SUCLG2: variants seen among roughly 807,000 people sequenced by gnomAD.
SUCLG2 encodes succinate--CoA ligase [GDP-forming] subunit beta, mitochondrial.
In SUCLG2, 42 loss-of-function variants were observed where a neutral mutation model predicts 47.9. That is an observed-to-expected ratio of 0.88 (90% CI 0.69 to 1.14). The LOEUF (loss-of-function observed/expected upper bound fraction) is 1.14, where lower values mean the gene tolerates loss of function less well. SUCLG2 is among the 50% of genes most tolerant of loss of function. The pLI, the probability that SUCLG2 is intolerant of heterozygous loss-of-function variation, is 0.00. For missense variants in SUCLG2, 571 were observed against 525.9 expected (o/e 1.09, Z -0.84); for synonymous variants, 195 against 197.3 (o/e 0.99, Z 0.10).
At chr3:67,622,790 G>A (rs1700757488) in intron 1 of SUCLG2, among the ~76,000 whole-genome samples, 5 of 152,186 alleles carry the variant, frequency 3.3e-5, no homozygotes, top group Admixed American at 3.3e-4. Context: ...AAGTCCATGT[G>A]ACACATGAGT....
intron 1 of SUCLG2, among the ~76,000 whole-genome samples, chr3:67,623,328 A>G (rs1700767235): frequency 1.3e-5 from 2 of 152,102 alleles, no homozygotes; most frequent in African/African-American, 4.8e-5. Flanking sequence ...GTGAAACCCC[A>G]TCTCTACTAA....
intron 9 of SUCLG2, among the ~76,000 whole-genome samples, chr3:67,407,923 A>C (rs1702851833): frequency 6.6e-6 from 1 of 152,204 alleles, no homozygotes; most frequent in South Asian, 2.1e-4. Flanking sequence ...GAAGGAAAAT[A>C]AATGGTGAAG....
At chr3:67,486,553 T>C (rs1705059779) in intron 9 of SUCLG2, among the ~76,000 whole-genome samples, 1 of 152,334 alleles carries the variant, frequency 6.6e-6, no homozygotes, top group South Asian at 2.1e-4. Flanking sequence ...TAAGTATGCT[T>C]CTGTTTAAAG....
At chr3:67,398,630 A>G (rs1381436407) in intron 10 of SUCLG2, among the ~76,000 whole-genome samples, 2 of 152,098 alleles carry the variant, frequency 1.3e-5, no homozygotes, top group Admixed American at 6.5e-5. Flanking sequence ...TCAGGGATCT[A>G]GAACTAGAAA....
At chr3:67,474,001 T>C (rs1704670268) in intron 9 of SUCLG2, among the ~76,000 whole-genome samples, 1 of 152,158 alleles carries the variant, frequency 6.6e-6, no homozygotes, top group Admixed American at 6.5e-5. Context: ...CTCACGACTG[T>C]AATCCCAGCA....
chr3:67,487,380 T>C (rs1478248597), intron 9 of SUCLG2, among the ~76,000 whole-genome samples: 1 of 152,120 alleles, frequency 6.6e-6, no homozygotes, highest in Non-Finnish European at 1.5e-5. Flanking sequence ...GTACATACTT[T>C]ATTATAGTGA....
chr3:67,535,435 G>A lies in SUCLG2; in HGVS notation c.227-6249C>T, dbSNP rs553139846. On this transcript the variant is annotated intron_variant, in intron 2 of 10. Transcript: ENST00000307227. ...TGGGGAAAAGGACTTGGGACTTGCT[G>A]CCAAGTGCTACAGTTTGGATGCTTG... is the stretch of plus-strand genomic sequence containing the variant. Among the ~76,000 whole-genome samples the A allele has an allele frequency of 3.9e-4, 59 of 152,082 alleles. 1 individual carries two copies. The highest frequency in any genetic ancestry group is 6.6e-4 in the Admixed American group (10 of 15,250).
At chr3:67,419,377 T>C (rs1010981520) in intron 9 of SUCLG2, among the ~76,000 whole-genome samples, 2 of 152,198 alleles carry the variant, frequency 1.3e-5, no homozygotes, top group African/African-American at 4.8e-5. Flanking sequence ...GGAAGGTACA[T>C]AAGAAATTGG....
intron 1 of SUCLG2, among the ~76,000 whole-genome samples, chr3:67,615,193 T>A (rs1575818257): frequency 1.3e-5 from 2 of 150,030 alleles, no homozygotes; most frequent in Admixed American, 6.6e-5. Flanking sequence ...AACAAGACAA[T>A]GGCTAAGTGG....
At position 67,454,137 on chromosome 3, in the gene SUCLG2, T is replaced by C. The variant is rs80209131; in HGVS notation, c.1062+41661A>G. Among the ~76,000 whole-genome samples the C allele has an allele frequency of 4.6e-3, 702 of 152,300 alleles. 6 individuals are homozygous for C. Among genetic ancestry groups the C allele is most frequent in the African/African-American group, 0.016 (661 of 41,564 alleles). ...TTTTATGTTCATTCCCAATGTTGGA[T>C]AAGAAGTTGACAGAGCTGCACAAAA... is the stretch of plus-strand genomic sequence containing the variant. On this transcript the variant is annotated intron_variant, in intron 9 of 10. Transcript: ENST00000307227.
At chr3:67,376,141 G>T in intron 10 of SUCLG2, 1 of 981,826 alleles carries the variant, frequency 1.0e-6, no homozygotes, top group Non-Finnish European at 1.2e-6. Flanking sequence ...CAGCCATGTG[G>T]ATTTAATGCG....
At chr3:67,502,753 C>A (rs1288904111) in intron 7 of SUCLG2, among the ~76,000 whole-genome samples, 1 of 152,168 alleles carries the variant, frequency 6.6e-6, no homozygotes, top group Non-Finnish European at 1.5e-5. Context: ...GCAAATGTCT[C>A]CCATAGTTTA....
chr3:67,620,994 T>C (rs1700726793), intron 1 of SUCLG2, among the ~76,000 whole-genome samples: 1 of 152,136 alleles, frequency 6.6e-6, no homozygotes, highest in African/African-American at 2.4e-5. Flanking sequence ...TAAAACCAAT[T>C]GGGAGAGAGC....
intron 9 of SUCLG2, among the ~76,000 whole-genome samples, chr3:67,444,326 G>C (rs1431800311): frequency 1.2e-5 from 1 of 81,794 alleles, no homozygotes; most frequent in Non-Finnish European, 2.6e-5. Context: ...CCCCGTCTGG[G>C]AGGGAGGTGG....
intron 9 of SUCLG2, among the ~76,000 whole-genome samples, chr3:67,407,089 A>C (rs1038656073): frequency 6.6e-6 from 1 of 152,148 alleles, no homozygotes; most frequent in Non-Finnish European, 1.5e-5. Flanking sequence ...TGTCACAACT[A>C]CTTACCCTTG....
intron 2 of SUCLG2, among the ~76,000 whole-genome samples, chr3:67,573,117 T>A (rs777147746): frequency 2.6e-5 from 4 of 151,930 alleles, no homozygotes; most frequent in African/African-American, 7.3e-5. Flanking sequence ...ACAAAAGAAA[T>A]GAAAGACATA....
intron 10 of SUCLG2, among the ~76,000 whole-genome samples, chr3:67,386,151 C>T (rs1378465641): frequency 2.6e-5 from 4 of 152,062 alleles, no homozygotes; most frequent in South Asian, 2.1e-4. Context: ...TGCAGTGGCG[C>T]GATCTCGGCT....
At position 67,464,871 on chromosome 3, in the gene SUCLG2, G is replaced by A. The variant is rs138645985; in HGVS notation, c.1062+30927C>T. Among the ~76,000 whole-genome samples the A allele has an allele frequency of 2.3e-3, 356 of 152,294 alleles. 2 individuals carry two copies. Among genetic ancestry groups the A allele is most frequent in the African/African-American group, 7.8e-3 (323 of 41,550 alleles). On this transcript the variant is annotated intron_variant, in intron 9 of 10. Transcript: ENST00000307227. ...TTTGAAGGTGATGGTAAAAGTCTAT[G>A]AAAGCTGCCAGCATGGTGCTAAAAC...
chr3:67,493,433 A>G (rs1354433650), intron 9 of SUCLG2, among the ~76,000 whole-genome samples: 1 of 152,210 alleles, frequency 6.6e-6, no homozygotes, highest in Non-Finnish European at 1.5e-5. Flanking sequence ...TAATCCAAGC[A>G]TTTGAAAATG....
Sources: allele counts gnomAD v4.1 joint callset (sites outside exome capture counted in the v4.1 genomes callset), GRCh38; gene constraint gnomAD v4.1.1; transcripts MANE v1.5; gene names NCBI Gene and HGNC (gene_info 2026-07-23, HGNC 2026-07-21).